Variants in GUCY1A2 observed in about 807,000 individuals in gnomAD.
GUCY1A2 encodes guanylate cyclase soluble subunit alpha-2.
GUCY1A2 carries 27 observed loss-of-function variants against 63.5 expected under a neutral mutation model. The observed-to-expected ratio is 0.43, with a 90% CI of 0.31 to 0.59. The LOEUF (loss-of-function observed/expected upper bound fraction) is 0.59. GUCY1A2 is among the 20% of genes least tolerant of loss of function. The probability of loss-of-function intolerance (pLI) is 0.11; values close to 1 mark genes in which losing one functional copy is unlikely to be tolerated. For synonymous variants in GUCY1A2, 364 were observed against 343.5 expected (o/e 1.06, Z -0.66); for missense variants, 768 against 913.3 (o/e 0.84, Z 2.05).
chr11:107,004,680 A>G (rs1861650079), intron 1 of GUCY1A2, among the ~76,000 whole-genome samples: 1 of 152,158 alleles, frequency 6.6e-6, no homozygotes, highest in Admixed American at 6.6e-5. Flanking sequence ...TATGATAGTG[A>G]AGCTATGATG....
At chr11:106,743,875 A>G (rs1863739692) in intron 6 of GUCY1A2, among the ~76,000 whole-genome samples, 2 of 152,200 alleles carry the variant, frequency 1.3e-5, no homozygotes, top group Admixed American at 1.3e-4. Flanking sequence ...TAAATCTATG[A>G]ACATGCCCAG....
chr11:106,849,454 G>A (rs1591301087), intron 4 of GUCY1A2, among the ~76,000 whole-genome samples: 1 of 151,228 alleles, frequency 6.6e-6, no homozygotes, highest in East Asian at 1.9e-4. Context: ...GTTCAAAGGA[G>A]GTAGCAATTA....
chr11:106,776,861 G>A (rs1591272024), intron 5 of GUCY1A2, among the ~76,000 whole-genome samples: 1 of 152,056 alleles, frequency 6.6e-6, no homozygotes. Flanking sequence ...ACGAAAACAG[G>A]ACTGTCAGTA....
intron 1 of GUCY1A2, among the ~76,000 whole-genome samples, chr11:107,002,114 G>A (rs1861619487): frequency 2.0e-5 from 3 of 151,978 alleles, no homozygotes; most frequent in Non-Finnish European, 4.4e-5. Context: ...ATCCTTGCTT[G>A]ATGAAATTGA....
intron 4 of GUCY1A2, among the ~76,000 whole-genome samples, chr11:106,871,536 A>C (rs941105465): frequency 2.0e-5 from 3 of 152,124 alleles, no homozygotes; most frequent in Admixed American, 6.6e-5. Flanking sequence ...CATGGTCACA[A>C]GGAATTCTCC....
intron 5 of GUCY1A2, among the ~76,000 whole-genome samples, chr11:106,799,177 T>C: frequency 6.6e-6 from 1 of 152,032 alleles, no homozygotes; most frequent in East Asian, 1.9e-4. Context: ...TACCTAGGAA[T>C]CCAACTTACA....
chr11:106,699,403 T>G (rs1176336404), intron 7 of GUCY1A2, among the ~76,000 whole-genome samples: 1 of 152,244 alleles, frequency 6.6e-6, no homozygotes, highest in Non-Finnish European at 1.5e-5. Context: ...TGGCATTCTT[T>G]GTAAACGTTA....
chr11:106,765,769 A>G (rs1264411733), intron 6 of GUCY1A2, among the ~76,000 whole-genome samples: 1 of 152,080 alleles, frequency 6.6e-6, no homozygotes, highest in East Asian at 1.9e-4. Context: ...ACTAAGAACT[A>G]TTTGCATATA....
chr11:106,877,233 G>A (rs1393891372), intron 4 of GUCY1A2, among the ~76,000 whole-genome samples: 1 of 151,994 alleles, frequency 6.6e-6, no homozygotes, highest in East Asian at 1.9e-4. Context: ...GCGACTACAG[G>A]GTTTTCTAGG....
At chr11:107,014,325 G>A (rs550509992) in intron 1 of GUCY1A2, among the ~76,000 whole-genome samples, 17 of 151,992 alleles carry the variant, frequency 1.1e-4, no homozygotes, top group Non-Finnish European at 2.4e-4. Context: ...TTGACCTAGT[G>A]ATCTGCCTGC....
chr11:106,939,045 A>C (rs1002277264), intron 4 of GUCY1A2, among the ~76,000 whole-genome samples: 1 of 152,232 alleles, frequency 6.6e-6, no homozygotes, highest in Non-Finnish European at 1.5e-5. Context: ...TTTAGAAAAG[A>C]ACATATTCAA....
At chr11:106,819,821 A>C (rs1858878098) in intron 4 of GUCY1A2, among the ~76,000 whole-genome samples, 1 of 152,182 alleles carries the variant, frequency 6.6e-6, no homozygotes, top group African/African-American at 2.4e-5. Flanking sequence ...GAAAAAAAAT[A>C]CTGTCTTTTG....
chr11:106,725,928 G>A (rs1272504216), intron 6 of GUCY1A2, among the ~76,000 whole-genome samples: 1 of 151,972 alleles, frequency 6.6e-6, no homozygotes, highest in Non-Finnish European at 1.5e-5. Flanking sequence ...CTGGGGGCAG[G>A]GAGAGGACGA....
In GUCY1A2 at chr11:106,834,602, A is replaced by G. The variant is rs1426377103; in HGVS notation, c.1207-24124T>C. Among the ~76,000 whole-genome samples the G allele has an allele frequency of 2.0e-5, 3 of 152,016 alleles. No homozygotes were observed. The East Asian group carries it at 5.8e-4, about 29-fold the overall frequency. On this transcript the variant is annotated intron_variant, in intron 4 of 7. Transcript: ENST00000526355. ...CAGCTTCTGGCAGTAGGCTGGAAGG[A>G]TCCTCATGAAAAACAAACAAAAAAA...
At chr11:106,801,589 A>G (rs1202484336) in intron 5 of GUCY1A2, among the ~76,000 whole-genome samples, 3 of 152,130 alleles carry the variant, frequency 2.0e-5, no homozygotes, top group Non-Finnish European at 4.4e-5. Flanking sequence ...GCTTTTAACT[A>G]AATCAGAACT....
chr11:107,005,700 T>C (rs1861662299), intron 1 of GUCY1A2, among the ~76,000 whole-genome samples: 4 of 152,212 alleles, frequency 2.6e-5, no homozygotes, highest in Admixed American at 2.6e-4. Context: ...TCTGAATTAA[T>C]GAATGAATGT....
At chr11:106,704,283 C>G (rs1862867855) in intron 7 of GUCY1A2, among the ~76,000 whole-genome samples, 1 of 152,102 alleles carries the variant, frequency 6.6e-6, no homozygotes, top group Non-Finnish European at 1.5e-5. Flanking sequence ...CTAATATGTT[C>G]CAAGTATAAG....
chr11:106,895,358 A>G (rs1464950903), intron 4 of GUCY1A2, among the ~76,000 whole-genome samples: 5 of 152,168 alleles, frequency 3.3e-5, no homozygotes, highest in African/African-American at 1.2e-4. Context: ...CATAATATAG[A>G]AGTGATGAGA....
At position 106,697,664 on chromosome 11, in the gene GUCY1A2, G is replaced by C. The variant is rs185101300; in HGVS notation, c.1992-9908C>G. ...AAAAGGAGAAATTTAAAACGATATA[G>C]AGGCTTGATTACATGCTAAACCTAA... On this transcript the variant is annotated intron_variant, in intron 7 of 7. Transcript: ENST00000526355. 1.4e-4 allele frequency among the ~76,000 whole-genome samples: 21 copies of C among 152,252 alleles called. No homozygotes were observed. In the East Asian group the frequency reaches 4.0e-3, roughly 29 times the overall value.
Sources: allele counts gnomAD v4.1 joint callset (sites outside exome capture counted in the v4.1 genomes callset), GRCh38; gene constraint gnomAD v4.1.1; transcripts MANE v1.5; gene names NCBI Gene and HGNC (gene_info 2026-07-23, HGNC 2026-07-21).